Variants in MCTP1 observed in about 807,000 individuals in gnomAD.
MCTP1 encodes the protein multiple C2 and transmembrane domain-containing protein 1.
In MCTP1, 69 loss-of-function variants were observed where a neutral mutation model predicts 120.6. The ratio of observed to expected loss-of-function variants is 0.57; its 90% CI spans 0.47 to 0.70. The LOEUF (loss-of-function observed/expected upper bound fraction) is 0.70, where lower values mean the gene tolerates loss of function less well. MCTP1 is among the 30% of genes least tolerant of loss of function. MCTP1 has a pLI of 0.00. For synonymous variants in MCTP1, 529 were observed against 493.1 expected (o/e 1.07, Z -0.96); for missense variants, 1,203 against 1,248.8 (o/e 0.96, Z 0.55).
At chr5:94,786,013 GA>G in intron 18 of MCTP1, among the ~76,000 whole-genome samples, 1 of 152,210 alleles carries the variant, frequency 6.6e-6, no homozygotes, top group Non-Finnish European at 1.5e-5. Flanking sequence ...GAATAGTACT[GA>G]AAATACTACA....
At chr5:95,105,636 T>C (rs1012900317) in intron 1 of MCTP1, among the ~76,000 whole-genome samples, 14 of 152,150 alleles carry the variant, frequency 9.2e-5, no homozygotes, top group South Asian at 4.1e-4. Context: ...TTGAGAGGAA[T>C]GGAACATGCA....
At chr5:94,811,020 G>A (rs369280415) in intron 17 of MCTP1, among the ~76,000 whole-genome samples, 44 of 152,076 alleles carry the variant, frequency 2.9e-4, no homozygotes, top group South Asian at 1.2e-3. Flanking sequence ...CTCCCATTCC[G>A]TCTTATAATT....
intron 1 of MCTP1, among the ~76,000 whole-genome samples, chr5:95,026,488 C>CT (rs1839286878): frequency 6.6e-6 from 1 of 152,150 alleles, no homozygotes. Context: ...CTTCTACTCT[C>CT]TATCTCCATT....
rs140584923 is a variant in MCTP1 at position 95,135,424 on chromosome 5, T to C, written c.721-117940A>G. 5.6e-3 allele frequency among the ~76,000 whole-genome samples: 850 copies of C among 152,342 alleles called. 5 individuals carry two copies. Among genetic ancestry groups the C allele is most frequent in the Non-Finnish European group, 8.0e-3 (544 of 68,032 alleles). On this transcript the variant is annotated intron_variant, in intron 1 of 22. Coordinates refer to ENST00000515393, the MANE Select transcript of MCTP1 (RefSeq NM_024717.7). ...AATATCATTAGCTTTAGTGTGATGGTTGATACTGAGTGTCAACTTGATTGG... is the reference window on the plus strand; with the variant it reads ...AATATCATTAGCTTTAGTGTGATGGCTGATACTGAGTGTCAACTTGATTGG...
chr5:94,894,334 T>C (rs963062022), intron 11 of MCTP1, among the ~76,000 whole-genome samples: 1 of 152,224 alleles, frequency 6.6e-6, no homozygotes, highest in African/African-American at 2.4e-5. Flanking sequence ...AATAAATTAA[T>C]TTTAAAGTCA....
At chr5:95,077,283 A>G (rs1224838567) in intron 1 of MCTP1, among the ~76,000 whole-genome samples, 1 of 152,198 alleles carries the variant, frequency 6.6e-6, no homozygotes, top group African/African-American at 2.4e-5. Context: ...ATAATAAATT[A>G]TAAAATAGTC....
intron 1 of MCTP1, among the ~76,000 whole-genome samples, chr5:95,026,559 G>A (rs944649866): frequency 2.0e-5 from 3 of 151,968 alleles, no homozygotes; most frequent in Non-Finnish European, 2.9e-5. Context: ...TTCTGTGCCC[G>A]GCTTATTTCG....
At chr5:95,059,079 A>G (rs1007026411) in intron 1 of MCTP1, among the ~76,000 whole-genome samples, 1 of 152,150 alleles carries the variant, frequency 6.6e-6, no homozygotes, top group Non-Finnish European at 1.5e-5. Context: ...ATATTCCCCA[A>G]AAGAAAACAA....
At chr5:95,240,679 G>C (rs1756061920) in intron 1 of MCTP1, among the ~76,000 whole-genome samples, 1 of 152,122 alleles carries the variant, frequency 6.6e-6, no homozygotes, top group Non-Finnish European at 1.5e-5. Flanking sequence ...ATCAGTGCAG[G>C]CTTATTTTTG....
chr5:94,848,116 TA>T (rs1454419307), intron 17 of MCTP1, among the ~76,000 whole-genome samples: 1 of 151,902 alleles, frequency 6.6e-6, no homozygotes, highest in Non-Finnish European at 1.5e-5. Context: ...AAGAGCAAAC[TA>T]AAAAAATAAT....
intron 17 of MCTP1, among the ~76,000 whole-genome samples, chr5:94,818,898 A>T (rs1785027225): frequency 6.6e-6 from 1 of 152,162 alleles, no homozygotes; most frequent in African/African-American, 2.4e-5. Flanking sequence ...GAAAATTCAG[A>T]TAACCTACAT....
chr5:95,274,002 T>C (rs1308981811), intron 1 of MCTP1, among the ~76,000 whole-genome samples: 2 of 152,150 alleles, frequency 1.3e-5, no homozygotes, highest in African/African-American at 4.8e-5. Flanking sequence ...GGCCTCCACA[T>C]GTTCTCCTGT....
At chr5:95,065,235 G>A (rs1750351545) in intron 1 of MCTP1, among the ~76,000 whole-genome samples, 1 of 151,668 alleles carries the variant, frequency 6.6e-6, no homozygotes, top group Non-Finnish European at 1.5e-5. Context: ...AAATTATTAT[G>A]TAGCATAAAA....
intron 2 of MCTP1, among the ~76,000 whole-genome samples, chr5:95,009,592 A>G (rs1835507939): frequency 6.6e-6 from 1 of 151,230 alleles, no homozygotes; most frequent in Admixed American, 6.6e-5. Flanking sequence ...TATATATAAA[A>G]GATATATATA....
intron 1 of MCTP1, among the ~76,000 whole-genome samples, chr5:95,157,479 G>A (rs372537455): frequency 5.9e-5 from 9 of 152,184 alleles, no homozygotes; most frequent in African/African-American, 1.9e-4. Context: ...AATGAATTCA[G>A]CTGCCCTGTA....
At chr5:95,079,962 A>G (rs1355879637) in intron 1 of MCTP1, among the ~76,000 whole-genome samples, 1 of 152,132 alleles carries the variant, frequency 6.6e-6, no homozygotes, top group Non-Finnish European at 1.5e-5. Flanking sequence ...CTCTTCTCAT[A>G]GCCTAAAAAA....
At chr5:95,092,709 A>C (rs934382720) in intron 1 of MCTP1, among the ~76,000 whole-genome samples, 2 of 152,172 alleles carry the variant, frequency 1.3e-5, no homozygotes, top group Non-Finnish European at 2.9e-5. Flanking sequence ...AAAGAAAAAG[A>C]AAAGGTGAAA....
chr5:95,077,566 G>T lies in MCTP1; in HGVS notation c.721-60082C>A, dbSNP rs1380689577. Among the ~76,000 whole-genome samples, 3 of 151,956 alleles carry T rather than the reference G, an allele frequency of 2.0e-5. No individual in the cohort carries two copies. The East Asian group carries it at 5.8e-4, about 29-fold the overall frequency. ...CGGCTCACTGCAAGCTCCACTTCCTGGGTTCACGCCATTCTCCTGCCTCAG... is the reference window on the plus strand; with the variant it reads ...CGGCTCACTGCAAGCTCCACTTCCTTGGTTCACGCCATTCTCCTGCCTCAG... On this transcript the variant is annotated intron_variant, in intron 1 of 22. Transcript: ENST00000515393.
intron 19 of MCTP1, among the ~76,000 whole-genome samples, chr5:94,744,488 T>A (rs2058037730): frequency 6.6e-6 from 1 of 150,802 alleles, no homozygotes; most frequent in Non-Finnish European, 1.5e-5. Context: ...TGAAAATGGA[T>A]CTCAGTTTTG....
Sources: allele counts gnomAD v4.1 joint callset (sites outside exome capture counted in the v4.1 genomes callset), GRCh38; gene constraint gnomAD v4.1.1; transcripts MANE v1.5; gene names NCBI Gene and HGNC (gene_info 2026-07-23, HGNC 2026-07-21).